TEX52: variants seen among roughly 807,000 people sequenced by gnomAD.
TEX52 encodes the protein testis expressed 52, also known as testis-expressed protein 52.
TEX52 carries 22 observed loss-of-function variants against 17.6 expected under a neutral mutation model. That is an observed-to-expected ratio of 1.25 (90% CI 0.89 to 1.78). TEX52 has a LOEUF of 1.78. TEX52 is among the 40% of genes most tolerant of loss of function. The pLI, the probability that TEX52 is intolerant of heterozygous loss-of-function variation, is 0.00. For missense variants in TEX52, 396 were observed against 372.3 expected, an observed-to-expected ratio of 1.06 and a Z score of -0.52; for synonymous variants, 168 against 147.4, an observed-to-expected ratio of 1.14 and a Z score of -1.01.
At chr12:2,850,742 G>C (rs2098067675) in intron 2 of TEX52, among the ~76,000 whole-genome samples, 1 of 151,240 alleles carries the variant, frequency 6.6e-6, no homozygotes, top group Admixed American at 6.6e-5. Flanking sequence ...GCACGATCTT[G>C]GCTCACTGCA....
intron 2 of TEX52, among the ~76,000 whole-genome samples, chr12:2,850,915 G>A (rs899622941): frequency 4.7e-5 from 7 of 149,792 alleles, no homozygotes; most frequent in South Asian, 2.1e-4. Context: ...CAAGTGATTC[G>A]CCCGCCTTGG....
chr12:2,854,708 C>T (rs2098081734), intron 2 of TEX52, among the ~76,000 whole-genome samples, 188 bp downstream of exon 2: 1 of 152,204 alleles, frequency 6.6e-6, no homozygotes, highest in Admixed American at 6.5e-5. Context: ...GTGAAACTCC[C>T]TGCCTCCACT....
rs202113665 is a variant in TEX52, at chr12:2,850,496, T to C, written c.624-971A>G. On this transcript the variant is annotated intron_variant, in intron 2 of 2. Transcript: ENST00000637658. Reference sequence around the variant, plus strand: ...GTCTCAAAAAAAAAAAAAAAAAAAATGGGGCCCCAGGTCATGATAATGGGC... The same window carrying C: ...GTCTCAAAAAAAAAAAAAAAAAAAACGGGGCCCCAGGTCATGATAATGGGC... Among the ~76,000 whole-genome samples the C allele has an allele frequency of 4.6e-5, 6 of 130,598 alleles. No homozygotes were observed. In the South Asian group the frequency reaches 1.5e-3, roughly 32 times the overall value. 85.7% of individuals were successfully genotyped at this position (130,598 alleles called of 152,430 possible).
chr12:2,853,717 C>T (rs918829731), intron 2 of TEX52, among the ~76,000 whole-genome samples: 1 of 152,182 alleles, frequency 6.6e-6, no homozygotes, highest in Non-Finnish European at 1.5e-5. Flanking sequence ...TTGCCTTCCC[C>T]CTTTCTTGTT....
At chr12:2,849,614 G>T (rs904038986) in intron 2 of TEX52, 89 bp from the exon 3 acceptor site, 16 of 1,416,058 alleles carry the variant, frequency 1.1e-5, no homozygotes, top group African/African-American at 2.8e-5. Flanking sequence ...GGGTGATGCC[G>T]CTGTCCACAA....
At chr12:2,856,870 G>A (rs2153930067) in intron 1 of TEX52, 85 bp downstream of exon 1, 1 of 696,160 alleles carries the variant, frequency 1.4e-6, no homozygotes, top group Non-Finnish European at 2.6e-6. Context: ...CTGCTGCCCA[G>A]AAGAAAGCCT....
At chr12:2,854,550 C>T (rs191688745) in intron 2 of TEX52, among the ~76,000 whole-genome samples, 3 of 152,302 alleles carry the variant, frequency 2.0e-5, no homozygotes, top group African/African-American at 4.8e-5. Flanking sequence ...TACAACACCC[C>T]CTGTCTCGCA....
intron 2 of TEX52, among the ~76,000 whole-genome samples, chr12:2,851,910 C>T (rs535805311): frequency 6.6e-6 from 1 of 152,202 alleles, no homozygotes; most frequent in African/African-American, 2.4e-5. Context: ...AACTCCTTAC[C>T]TCAAGTGATC....
At chr12:2,855,560 CAT>C in intron 1 of TEX52, 114 bp from the exon 2 acceptor site, 1 of 807,378 alleles carries the variant, frequency 1.2e-6, no homozygotes. Flanking sequence ...CCAGGATTCT[CAT>C]GAGGACGCAG....
At position 2,851,667 on chromosome 12, in the gene TEX52, TA is replaced by T. The variant is rs1438052115; in HGVS notation, c.624-2143del. Among the ~76,000 whole-genome samples the T allele has an allele frequency of 1.3e-3, 199 of 150,358 alleles. 1 individual carries two copies. The highest frequency in any genetic ancestry group is 4.7e-3 in the African/African-American group (191 of 40,660). On this transcript the variant is annotated intron_variant, in intron 2 of 2. Transcript: ENST00000637658. ...CGCTAAATTTGTTTTATTTTAATTTTATTTATTTTTTTTATTTTAATTTTTT... is the reference window on the plus strand; with the variant it reads ...CGCTAAATTTGTTTTATTTTAATTTTTTTATTTTTTTTATTTTAATTTTTT...
At chr12:2,851,452 C>T (rs2098070632) in intron 2 of TEX52, among the ~76,000 whole-genome samples, 1 of 152,118 alleles carries the variant, frequency 6.6e-6, no homozygotes, top group South Asian at 2.1e-4. Flanking sequence ...AAGCGATTCT[C>T]CTGCCTCAGC....
intron 2 of TEX52, among the ~76,000 whole-genome samples, chr12:2,849,811 T>A (rs1235431053): frequency 6.6e-6 from 1 of 152,206 alleles, no homozygotes; most frequent in East Asian, 1.9e-4. Flanking sequence ...CAGATCCCAA[T>A]CCAGATTCTA....
At chr12:2,856,141 T>C (rs2098086543) in intron 1 of TEX52, among the ~76,000 whole-genome samples, 1 of 152,192 alleles carries the variant, frequency 6.6e-6, no homozygotes, top group African/African-American at 2.4e-5. Flanking sequence ...GAGCAAGTAT[T>C]GCTATCGTCC....
chr12:2,853,282 G>T (rs1368619455), intron 2 of TEX52, among the ~76,000 whole-genome samples: 8 of 146,380 alleles, frequency 5.5e-5, no homozygotes, highest in East Asian at 2.0e-4. Context: ...TTGGTTTTTT[G>T]TTTTTTTTTT....
At chr12:2,855,495 G>GAC in intron 1 of TEX52, 49 bp from the exon 2 acceptor site, 1 of 1,348,714 alleles carries the variant, frequency 7.4e-7, no homozygotes, top group South Asian at 1.8e-5. Context: ...AGACAGGGGT[G>GAC]CAGAAAGGTG....
intron 2 of TEX52, among the ~76,000 whole-genome samples, chr12:2,854,171 A>G (rs1056661385): frequency 5.9e-5 from 9 of 151,848 alleles, no homozygotes; most frequent in South Asian, 2.1e-4. Context: ...GATTGCAGGC[A>G]CCCATCACCA....
rs1252800551 is a variant in TEX52, at chr12:2,849,408, G to T, written c.741C>A (p.Tyr247Ter). ...SWPCPNPLPH[Y>*]QEKVLKLALL... ...AGGCCAGCTTTAGCACCTTCTCCTG[G>T]TAGTGAGGCAGAGGGTTTGGGCAGG... is the stretch of plus-strand genomic sequence containing the variant. Residue 247 changes from tyrosine (Y) to a stop codon, truncating the protein, a stop_gained, in exon 3 of 3, where the codon TAC (tyrosine) becomes TAA (stop). Transcript: ENST00000637658. LOFTEE classifies it low-confidence loss of function (END_TRUNC). 1 of 1,536,078 alleles carries T rather than the reference G, an allele frequency of 6.5e-7. No individual in the cohort carries two copies.
At chr12:2,853,170 G>A (rs1010570585) in intron 2 of TEX52, among the ~76,000 whole-genome samples, 2 of 152,300 alleles carry the variant, frequency 1.3e-5, no homozygotes, top group Middle Eastern at 6.8e-3. Flanking sequence ...GCCAGGGTCA[G>A]CACCTATCAG....
chr12:2,853,874 G>A (rs1283738027), intron 2 of TEX52, among the ~76,000 whole-genome samples: 1 of 152,156 alleles, frequency 6.6e-6, no homozygotes, highest in East Asian at 1.9e-4. Flanking sequence ...CTGCCTGGAG[G>A]GGCTCAGCCA....
Sources: gnomAD v4.1 joint callset for allele counts (sites outside exome capture counted in the v4.1 genomes callset) on GRCh38, gnomAD v4.1.1 for gene constraint, MANE v1.5 for transcripts, NCBI Gene and HGNC (gene_info 2026-07-23, HGNC 2026-07-21) for gene names.